Variants in IL1RAPL1 observed in about 807,000 individuals in gnomAD.
IL1RAPL1 encodes interleukin-1 receptor accessory protein-like 1.
A neutral mutation model predicts 48.4 loss-of-function variants in IL1RAPL1; 3 were observed. The observed-to-expected ratio is 0.06, with a 90% CI of 0.03 to 0.16. The LOEUF (loss-of-function observed/expected upper bound fraction) is 0.16. Among genes scored for constraint, IL1RAPL1 ranks in the 10% least tolerant of loss-of-function variants. IL1RAPL1 has a pLI of 1.00. For synonymous variants in IL1RAPL1, 185 were observed against 187.7 expected (o/e 0.99, Z 0.12); for missense variants, 349 against 530.6 (o/e 0.66, Z 3.36).
intron 1 of IL1RAPL1, among the ~76,000 whole-genome samples, chrX:28,699,018 A>G (rs1490435866): frequency 3.6e-5 from 4 of 111,987 alleles, no homozygotes; most frequent in African/African-American, 1.3e-4. Flanking sequence ...TATTTCAGGT[A>G]ATTACTGTTT....
intron 3 of IL1RAPL1, among the ~76,000 whole-genome samples, chrX:29,380,939 G>T (rs1467527021): frequency 8.9e-6 from 1 of 112,159 alleles, no homozygotes; most frequent in African/African-American, 3.2e-5. Context: ...GAGTGCTCAA[G>T]CCAGTTAAGT....
intron 2 of IL1RAPL1, among the ~76,000 whole-genome samples, chrX:28,808,545 A>G (rs1936757145): frequency 1.8e-5 from 2 of 111,136 alleles, no homozygotes; most frequent in Non-Finnish European, 3.8e-5. Context: ...TAGATAATTT[A>G]TACATTCTTT....
At chrX:29,560,949 T>C (rs1602297609) in intron 5 of IL1RAPL1, among the ~76,000 whole-genome samples, 1 of 112,049 alleles carries the variant, frequency 8.9e-6, no homozygotes, top group African/African-American at 3.2e-5. Context: ...AGTTTTGCAT[T>C]GCTGCCCTCA....
At chrX:29,067,489 C>T (rs1001004135) in intron 2 of IL1RAPL1, among the ~76,000 whole-genome samples, 3 of 112,149 alleles carry the variant, frequency 2.7e-5, no homozygotes, top group Non-Finnish European at 3.8e-5. Flanking sequence ...GAGTGTTCCA[C>T]GAAACAGCCT....
chrX:28,936,521 C>T (rs1924020035), intron 2 of IL1RAPL1, among the ~76,000 whole-genome samples: 1 of 109,427 alleles, frequency 9.1e-6, no homozygotes, highest in Non-Finnish European at 1.9e-5. Flanking sequence ...AAAAGTGAGC[C>T]CCTGAGTGTA....
intron 2 of IL1RAPL1, among the ~76,000 whole-genome samples, chrX:29,005,325 A>C (rs1925951543): frequency 8.9e-6 from 1 of 112,302 alleles, no homozygotes; most frequent in Admixed American, 9.5e-5. Context: ...TAAAGCACCA[A>C]AGGTACAATG....
intron 2 of IL1RAPL1, among the ~76,000 whole-genome samples, chrX:29,191,917 C>T (rs1352035303): frequency 9.0e-6 from 1 of 111,683 alleles, no homozygotes; most frequent in African/African-American, 3.3e-5. Flanking sequence ...ACTACCCCAG[C>T]TCCTTGTCGC....
At chrX:29,215,947 C>A (rs1930859643) in intron 2 of IL1RAPL1, among the ~76,000 whole-genome samples, 1 of 110,935 alleles carries the variant, frequency 9.0e-6, no homozygotes, top group Admixed American at 9.6e-5. Flanking sequence ...CTGCTTGAAC[C>A]ACAGTAACAA....
chrX:29,326,118 C>T (rs759512320), intron 3 of IL1RAPL1, among the ~76,000 whole-genome samples: 1 of 112,277 alleles, frequency 8.9e-6, no homozygotes, highest in South Asian at 3.7e-4. Flanking sequence ...CATAGAAACA[C>T]CAAAGCTGTT....
chrX:29,947,678 T>C (rs1933237598), intron 9 of IL1RAPL1, among the ~76,000 whole-genome samples: 1 of 110,460 alleles, frequency 9.1e-6, no homozygotes, highest in Non-Finnish European at 1.9e-5. Flanking sequence ...TCAGGAATTA[T>C]TGTCCTCATG....
intron 6 of IL1RAPL1, among the ~76,000 whole-genome samples, chrX:29,699,252 G>A (rs1388737471): frequency 1.8e-5 from 2 of 112,083 alleles, no homozygotes; most frequent in East Asian, 5.6e-4. Flanking sequence ...TTCTGAACTG[G>A]TTTAGTAGTT....
chrX:29,149,532 C>G (rs760956924), intron 2 of IL1RAPL1, among the ~76,000 whole-genome samples: 20 of 111,505 alleles, frequency 1.8e-4, no homozygotes, highest in Non-Finnish European at 3.2e-4. Flanking sequence ...ATACATGTGA[C>G]CAATAGAGAT....
At chrX:28,910,513 T>C (rs1352699022) in intron 2 of IL1RAPL1, among the ~76,000 whole-genome samples, 1 of 109,790 alleles carries the variant, frequency 9.1e-6, no homozygotes, top group Non-Finnish European at 1.9e-5. Context: ...AGGCTGAAAC[T>C]GTCATCAGTG....
At chrX:28,831,026 C>CTCTCTCTCTCTGTG (rs1438889606) in intron 2 of IL1RAPL1, among the ~76,000 whole-genome samples, 8 of 33,645 alleles carry the variant, frequency 2.4e-4, no homozygotes, top group African/African-American at 9.0e-4. Context: ...CTCTCTCTCT[C>CTCTCTCTCTCTGTG]TGTGTGTGTG....
intron 2 of IL1RAPL1, among the ~76,000 whole-genome samples, chrX:29,082,678 A>G (rs1927868234): frequency 8.9e-6 from 1 of 111,956 alleles, no homozygotes; most frequent in African/African-American, 3.3e-5. Flanking sequence ...TCAAACACCC[A>G]AAGAACATGA....
At position 29,050,308 on chromosome X, in the gene IL1RAPL1, G is replaced by C. The variant is rs140809786; in HGVS notation, c.83-232630G>C. ...CTTCCGATGATTGGACTTTGGTTAT[G>C]GGTAACTCATCCACTTTTCACAACA... On this transcript the variant is annotated intron_variant, in intron 2 of 10. Coordinates refer to ENST00000378993, the MANE Select transcript of IL1RAPL1 (RefSeq NM_014271.4). Among the ~76,000 whole-genome samples the C allele has an allele frequency of 3.1e-3, 351 of 111,471 alleles. 1 individual carries two copies. Among genetic ancestry groups the C allele is most frequent in the African/African-American group, 0.011 (336 of 30,720 alleles).
At chrX:29,742,814 T>C (rs1395130889) in intron 6 of IL1RAPL1, among the ~76,000 whole-genome samples, 2 of 111,778 alleles carry the variant, frequency 1.8e-5, no homozygotes, top group Non-Finnish European at 3.8e-5. Context: ...GCTGGGTTAC[T>C]AATATATACA....
chrX:28,915,992 A>G (rs936758014), intron 2 of IL1RAPL1, among the ~76,000 whole-genome samples: 3 of 110,557 alleles, frequency 2.7e-5, no homozygotes, highest in Non-Finnish European at 5.7e-5. Context: ...CTAATAAAGA[A>G]CTAAGTGAAA....
At chrX:29,763,023 CTCTA>C (rs1314376775) in intron 6 of IL1RAPL1, among the ~76,000 whole-genome samples, 1 of 109,648 alleles carries the variant, frequency 9.1e-6, no homozygotes, top group Non-Finnish European at 1.9e-5. Flanking sequence ...CAAGACCATA[CTCTA>C]AAGTGATAAG....
Sources: gnomAD v4.1 joint callset for allele counts (sites outside exome capture counted in the v4.1 genomes callset) on GRCh38, gnomAD v4.1.1 for gene constraint, MANE v1.5 for transcripts, NCBI Gene and HGNC (gene_info 2026-07-23, HGNC 2026-07-21) for gene names.